Variants in RNPEP observed in about 807,000 individuals in gnomAD.
The protein encoded by RNPEP is aminopeptidase B.
RNPEP carries 57 observed loss-of-function variants against 70.1 expected under a neutral mutation model. That is an observed-to-expected ratio of 0.81 (90% CI 0.66 to 1.01). RNPEP has a LOEUF of 1.01. Ranked by LOEUF, RNPEP falls within the 50% of genes least tolerant of loss-of-function variation. RNPEP has a pLI of 0.00. For synonymous variants in RNPEP, 335 were observed against 357.4 expected (o/e 0.94, Z 0.71); for missense variants, 787 against 852.4 (o/e 0.92, Z 0.96).
rs1682981215 is a variant in RNPEP at position 201,982,769 on chromosome 1, G to A, written c.103G>A (p.Glu35Lys). 5 of 1,361,750 alleles carry A rather than the reference G, an allele frequency of 3.7e-6. No individual in the cohort carries two copies. Among genetic ancestry groups the A allele is most frequent in the Admixed American group, 8.0e-5 (2 of 24,980 alleles). The allele number at this position is 1,361,750 out of a possible 1,614,324, so 84.4% of individuals were successfully genotyped here. Reference protein sequence around the residue: ...VASASNFRAFELLHLHLDLRA... With the variant: ...VASASNFRAFKLLHLHLDLRA... ...CTCGGCCTCCAACTTCCGGGCCTTT[G>A]AGCTGCTGCACTTGCACCTGGACCT... The change falls in exon 1 of 11, where the codon GAG becomes AAG. Residue 35 changes from glutamate to lysine, a missense_variant. Coordinates refer to ENST00000295640, the MANE Select transcript of RNPEP (RefSeq NM_020216.4).
chr1:201,993,599 A>G (rs1024198373), intron 3 of RNPEP, among the ~76,000 whole-genome samples: 3 of 135,226 alleles, frequency 2.2e-5, no homozygotes, highest in African/African-American at 8.5e-5. Context: ...TCCACCTCAA[A>G]AAAAAGCCAA....
At chr1:202,004,210 T>C in intron 9 of RNPEP, 144 bp from the exon 10 acceptor site, 1 of 831,720 alleles carries the variant, frequency 1.2e-6, no homozygotes. Flanking sequence ...GTATTTTTAG[T>C]AGAGATGGGG....
At chr1:202,001,950 C>T (rs1558267795) in intron 8 of RNPEP, among the ~76,000 whole-genome samples, 183 bp downstream of exon 8, 1 of 152,050 alleles carries the variant, frequency 6.6e-6, no homozygotes, top group Non-Finnish European at 1.5e-5. Context: ...TTTCACTCCT[C>T]TCTGCCTCAT....
Position 201,988,993 on chromosome 1 carries a change from C to G in RNPEP, c.537C>G (p.Phe179Leu), listed in dbSNP as rs756309369. 1 of 1,614,020 alleles carries G rather than the reference C, an allele frequency of 6.2e-7. No individual in the cohort carries two copies. Among genetic ancestry groups the G allele is most frequent in the Non-Finnish European group, 8.5e-7 (1 of 1,180,014 alleles). Residue 179 changes from phenylalanine (F) to leucine (L), a missense_variant, in exon 2 of 11, where the codon TTC becomes TTG. Transcript: ENST00000295640. ...QGQAVLNRAF[F>L]PCFDTPAVKY... Reference sequence around the variant, plus strand: ...AGGCTGTCCTAAACCGGGCCTTCTTCCCTTGCTTCGACACGCCTGCTGTTA... The same window carrying G: ...AGGCTGTCCTAAACCGGGCCTTCTTGCCTTGCTTCGACACGCCTGCTGTTA...
rs769114652 is a variant in RNPEP at position 201,999,956 on chromosome 1, A to G, written c.1145A>G (p.His382Arg). Residue 382 changes from histidine to arginine, a missense_variant, in exon 6 of 11, where the codon CAC (histidine) becomes CGC (arginine). Transcript: ENST00000295640. ...ACGGGGCGGGCTCTGCTGCGTCAGC[A>G]CATGGACATCACTGGAGAGGAAAAC... ...AATGRALLRQHMDITGEENPL... is the reference protein window; with the variant it reads ...AATGRALLRQRMDITGEENPL... The G allele has an allele frequency of 1.2e-6, 2 of 1,614,022 alleles. No individual in the cohort carries two copies. The highest frequency in any genetic ancestry group is 4.5e-5 in the East Asian group (2 of 44,880).
Position 202,001,406 on chromosome 1 carries a change from C to A in RNPEP, c.1235C>A (p.Thr412Asn), listed in dbSNP as rs1432282291. The change falls in exon 7 of 11, where the codon ACC becomes AAC. Residue 412 changes from threonine to asparagine, a missense_variant. By Grantham distance (65) the Thr-to-Asn change is moderately conservative (BLOSUM62 0). Coordinates refer to ENST00000295640, the MANE Select transcript of RNPEP (RefSeq NM_020216.4). ...GACCCGGACGACACCTATAATGAGA[C>A]CCCCTACGAGAAAGGTTTCTGCTTT... ...GVDPDDTYNE[T>N]PYEKGFCFVS... The A allele has an allele frequency of 6.2e-6, 10 of 1,613,790 alleles. No homozygotes were observed. The highest frequency in any genetic ancestry group is 8.5e-6 in the Non-Finnish European group (10 of 1,179,802).
chr1:201,997,888 C>T (rs561328346), intron 5 of RNPEP, among the ~76,000 whole-genome samples: 6 of 152,030 alleles, frequency 3.9e-5, no homozygotes, highest in East Asian at 1.9e-4. Flanking sequence ...CTCAGCCTCC[C>T]GAGTAGCTGG....
chr1:201,996,016 C>G (rs1683533793), intron 3 of RNPEP, 131 bp from the exon 4 acceptor site: 2 of 673,550 alleles, frequency 3.0e-6, no homozygotes, highest in South Asian at 1.8e-5. Context: ...CGATCTTGCA[C>G]TCCGTCACTG....
chr1:201,996,465 T>TTG (rs71281164), intron 4 of RNPEP: 6,729 of 232,060 alleles, frequency 0.029, 58 homozygotes, highest in African/African-American at 0.046. Context: ...ATGAGGTTCT[T>TTG]TGTGTGTGTG....
chr1:201,998,033 G>A (rs1683631444), intron 5 of RNPEP, among the ~76,000 whole-genome samples: 1 of 152,118 alleles, frequency 6.6e-6, no homozygotes, highest in African/African-American at 2.4e-5. Context: ...AAAGTGCCAG[G>A]ATTACAGGCG....
At position 201,982,707 on chromosome 1, in the gene RNPEP, G is replaced by T. The variant is rs770984111; in HGVS notation, c.41G>T (p.Arg14Leu). The part of the protein sequence containing the change: ...GEHSPGSGAA[R>L]RPLHSAQAVD... ...CATTCCCCCGGCAGCGGCGCGGCCC[G>T]GCGGCCGCTGCACTCCGCGCAGGCT... Residue 14 changes from arginine (R) to leucine (L), a missense_variant, in exon 1 of 11, where the codon CGG becomes CTG. Transcript: ENST00000295640. 11 of 1,398,264 alleles carry T rather than the reference G, an allele frequency of 7.9e-6. No homozygotes were observed. Among genetic ancestry groups the T allele is most frequent in the Admixed American group, 6.1e-5 (2 of 32,740 alleles). The allele number at this position is 1,398,264 out of a possible 1,614,324, so 86.6% of individuals were successfully genotyped here. A position where few individuals can be genotyped will look rare whatever the true frequency, so the allele number is the denominator to read the frequency against.
At chr1:201,987,540 C>T (rs1264873367) in intron 1 of RNPEP, among the ~76,000 whole-genome samples, 2 of 148,588 alleles carry the variant, frequency 1.3e-5, no homozygotes, top group African/African-American at 5.0e-5. Context: ...TGGGTTCAAG[C>T]AATTCTCCTG....
intron 10 of RNPEP, 116 bp from the exon 11 acceptor site, chr1:202,005,442 C>A: frequency 8.5e-7 from 1 of 1,178,876 alleles, no homozygotes; most frequent in Non-Finnish European, 1.2e-6. Context: ...AGCTGTGATG[C>A]CCACATCCCT....
chr1:201,984,359 GAT>G (rs1173251301), intron 1 of RNPEP, among the ~76,000 whole-genome samples: 10 of 152,234 alleles, frequency 6.6e-5, no homozygotes, highest in Admixed American at 6.5e-4. Flanking sequence ...GCGGCTTCCG[GAT>G]CACAGATAGG....
intron 1 of RNPEP, chr1:201,983,317 T>TTCC: frequency 6.8e-7 from 1 of 1,460,940 alleles, no homozygotes. Flanking sequence ...GGTTTCCTTC[T>TTCC]GGACTTCCTC....
Position 201,982,711 on chromosome 1 carries a change from G to A in RNPEP, c.45G>A (p.Arg15=). ...EHSPGSGAAR[R]PLHSAQAVDV... is the part of the protein sequence containing the mutation. ...CCCCCGGCAGCGGCGCGGCCCGGCG[G>A]CCGCTGCACTCCGCGCAGGCTGTGG... The change falls in exon 1 of 11, where the codon CGG becomes CGA. Residue 15 remains arginine, a synonymous_variant. Coordinates refer to ENST00000295640, the MANE Select transcript of RNPEP (RefSeq NM_020216.4). 7.1e-7 allele frequency: 1 copy of A among 1,399,704 alleles called. No individual in the cohort carries two copies. Among genetic ancestry groups the A allele is most frequent in the Non-Finnish European group, 9.3e-7 (1 of 1,070,776 alleles). 86.7% of individuals were successfully genotyped at this position (1,399,704 alleles called of 1,614,324 possible). A position where few individuals can be genotyped will look rare whatever the true frequency, so the allele number is the denominator to read the frequency against.
At position 201,988,990 on chromosome 1, in the gene RNPEP, C is replaced by T; in HGVS notation, c.534C>T (p.Phe178=). 1 of 1,614,166 alleles carries T rather than the reference C, an allele frequency of 6.2e-7. No homozygotes were observed. The highest frequency in any genetic ancestry group is 8.5e-7 in the Non-Finnish European group (1 of 1,180,008). The change falls in exon 2 of 11, where the codon TTC becomes TTT. Residue 178 remains phenylalanine, a synonymous_variant. Transcript: ENST00000295640. ...TQGQAVLNRA[F]FPCFDTPAVK... ...GCCAGGCTGTCCTAAACCGGGCCTTCTTCCCTTGCTTCGACACGCCTGCTG... is the reference window on the plus strand; with the variant it reads ...GCCAGGCTGTCCTAAACCGGGCCTTTTTCCCTTGCTTCGACACGCCTGCTG...
chr1:201,984,833 T>C (rs955205633), intron 1 of RNPEP, among the ~76,000 whole-genome samples: 159 of 13,126 alleles, frequency 0.012, 8 homozygotes, highest in African/African-American at 0.02. Flanking sequence ...TTTTTTTTTT[T>C]TTTTTTTTTT....
At position 201,999,976 on chromosome 1, in the gene RNPEP, G is replaced by GA; in HGVS notation, c.1169dup (p.Asn390LysfsTer11). 1 of 1,613,962 alleles carries GA rather than the reference G, an allele frequency of 6.2e-7. No individual in the cohort carries two copies. Among genetic ancestry groups the GA allele is most frequent in the Non-Finnish European group, 8.5e-7 (1 of 1,179,954 alleles). On this transcript the variant is annotated frameshift_variant, in exon 6 of 11. Coordinates refer to ENST00000295640, the MANE Select transcript of RNPEP (RefSeq NM_020216.4). LOFTEE classifies it high-confidence loss of function. ...TCAGCACATGGACATCACTGGAGAG[G>GA]AAAACCCACTCAACAAGCTCCGCGT...
Sources: allele counts gnomAD v4.1 joint callset (sites outside exome capture counted in the v4.1 genomes callset), GRCh38; gene constraint gnomAD v4.1.1; transcripts MANE v1.5; gene names NCBI Gene and HGNC (gene_info 2026-07-23, HGNC 2026-07-21).